CTNNA2: variants seen among roughly 807,000 people sequenced by gnomAD.
The protein encoded by CTNNA2 is catenin alpha-2.
In CTNNA2, 42 loss-of-function variants were observed where a neutral mutation model predicts 101.0. The ratio of observed to expected loss-of-function variants is 0.42; its 90% CI spans 0.32 to 0.54. CTNNA2 has a LOEUF of 0.54. Ranked by LOEUF, CTNNA2 falls within the 20% of genes least tolerant of loss-of-function variation. CTNNA2 has a pLI of 0.14. For synonymous variants in CTNNA2, 450 were observed against 456.4 expected, an observed-to-expected ratio of 0.99 and a Z score of 0.18; for missense variants, 871 against 1,223.1, an observed-to-expected ratio of 0.71 and a Z score of 4.29.
At chr2:80,107,366 G>C (rs1317305534) in intron 7 of CTNNA2, among the ~76,000 whole-genome samples, 1 of 151,862 alleles carries the variant, frequency 6.6e-6, no homozygotes, top group African/African-American at 2.4e-5. Context: ...ATTTCAGGGG[G>C]ATGGTTGGCC....
At chr2:79,683,014 A>G (rs1683690214) in intron 2 of CTNNA2, among the ~76,000 whole-genome samples, 1 of 152,388 alleles carries the variant, frequency 6.6e-6, no homozygotes, top group Admixed American at 6.5e-5. Flanking sequence ...AAGTCTATAC[A>G]TGCAGGTTGG....
intron 11 of CTNNA2, 88 bp downstream of exon 11, chr2:80,546,151 G>C: frequency 6.7e-7 from 1 of 1,499,048 alleles, no homozygotes; most frequent in Non-Finnish European, 9.0e-7. Context: ...TCATGGATCT[G>C]TGTTTCAGGC....
intron 1 of CTNNA2, among the ~76,000 whole-genome samples, chr2:79,601,475 CAT>C (rs1418344503): frequency 6.6e-6 from 1 of 152,150 alleles, no homozygotes; most frequent in Non-Finnish European, 1.5e-5. Context: ...GGAGTGAGGT[CAT>C]GTGTGGGCTT....
chr2:79,413,323 CT>C (rs1678438808), intron 4 of CTNNA2, among the ~76,000 whole-genome samples: 1 of 151,926 alleles, frequency 6.6e-6, no homozygotes, highest in African/African-American at 2.4e-5. Flanking sequence ...CTTTTTGTGC[CT>C]GTCTTATTTA....
In CTNNA2 at chr2:79,343,299, A is replaced by C. The variant is rs572538815; in HGVS notation, c.-318+30503A>C. On this transcript the variant is annotated intron_variant, in intron 3 of 21. Transcript: ENST00000466387. ...AATTATTAGAAACAAATGTTTAAAA[A>C]AAATAGGATATTTATCCCACAAATA... Among the ~76,000 whole-genome samples, 267 of 152,324 alleles carry C rather than the reference A, an allele frequency of 1.8e-3. 3 individuals are homozygous for C. The highest frequency in any genetic ancestry group is 5.3e-3 in the African/African-American group (219 of 41,570).
At position 79,359,121 on chromosome 2, in the gene CTNNA2, G is replaced by T. The variant is rs141553936; in HGVS notation, c.-317-14710G>T. ...AGTACAACATAAAAAGATGGGACAT[G>T]AAACAGACAACTTTTGATACAGAGG... On this transcript the variant is annotated intron_variant, in intron 3 of 21. Transcript: ENST00000466387. 6.0e-4 allele frequency among the ~76,000 whole-genome samples: 92 copies of T among 152,242 alleles called. No individual in the cohort carries two copies. In the Middle Eastern group the frequency reaches 0.01, roughly 17 times the overall value.
intron 3 of CTNNA2, among the ~76,000 whole-genome samples, chr2:79,333,557 A>G (rs1676925423): frequency 6.6e-6 from 1 of 152,200 alleles, no homozygotes; most frequent in Non-Finnish European, 1.5e-5. Flanking sequence ...AAAGCTGTGT[A>G]TCCAGCCAAC....
chr2:79,330,147 G>A (rs1478713025), intron 3 of CTNNA2, among the ~76,000 whole-genome samples: 1 of 152,150 alleles, frequency 6.6e-6, no homozygotes, highest in Non-Finnish European at 1.5e-5. Context: ...GCTGAGAGGA[G>A]ATCAGTCCTA....
intron 2 of CTNNA2, among the ~76,000 whole-genome samples, chr2:79,739,555 T>G (rs1213389084): frequency 6.6e-6 from 1 of 152,214 alleles, no homozygotes; most frequent in African/African-American, 2.4e-5. Flanking sequence ...GATATTTGCC[T>G]TTTTTAAAAT....
chr2:79,670,887 C>G (rs1682792078), intron 2 of CTNNA2, among the ~76,000 whole-genome samples: 1 of 152,116 alleles, frequency 6.6e-6, no homozygotes. Flanking sequence ...GTTCATGTTT[C>G]CTTTTCTTCA....
At chr2:80,595,421 G>A (rs1696869495) in intron 15 of CTNNA2, among the ~76,000 whole-genome samples, 1 of 152,110 alleles carries the variant, frequency 6.6e-6, no homozygotes, top group Non-Finnish European at 1.5e-5. Flanking sequence ...TGTTAACAGA[G>A]ATAATTTTGC....
chr2:79,713,049 G>A (rs1159848557), intron 2 of CTNNA2, among the ~76,000 whole-genome samples: 1 of 152,006 alleles, frequency 6.6e-6, no homozygotes, highest in Non-Finnish European at 1.5e-5. Context: ...ATCCAACCTG[G>A]GCTTTCTTTA....
chr2:80,175,767 G>A (rs1470364168), intron 7 of CTNNA2, among the ~76,000 whole-genome samples: 1 of 152,234 alleles, frequency 6.6e-6, no homozygotes, highest in East Asian at 1.9e-4. Flanking sequence ...AAGTAGGGAA[G>A]CCAACAGTTC....
chr2:79,729,626 G>A (rs768492661), intron 2 of CTNNA2, among the ~76,000 whole-genome samples: 1 of 151,944 alleles, frequency 6.6e-6, no homozygotes, highest in Non-Finnish European at 1.5e-5. Flanking sequence ...TCCAAATAAA[G>A]GTTCACAAGA....
At chr2:79,331,590 G>A (rs1024353257) in intron 3 of CTNNA2, among the ~76,000 whole-genome samples, 1 of 152,090 alleles carries the variant, frequency 6.6e-6, no homozygotes, top group Non-Finnish European at 1.5e-5. Flanking sequence ...TCCTCACAGT[G>A]GGTCTCCACT....
At chr2:79,802,601 G>C (rs567324416) in intron 3 of CTNNA2, among the ~76,000 whole-genome samples, 112 of 152,290 alleles carry the variant, frequency 7.4e-4, no homozygotes, top group Non-Finnish European at 1.4e-3. Context: ...TAAAGAAAAT[G>C]GTAATGAAGT....
intron 7 of CTNNA2, among the ~76,000 whole-genome samples, chr2:80,264,292 T>G (rs950313584): frequency 2.0e-5 from 3 of 152,126 alleles, no homozygotes; most frequent in Non-Finnish European, 2.9e-5. Context: ...CAAAATGATT[T>G]ACAAATAGTA....
intron 3 of CTNNA2, among the ~76,000 whole-genome samples, chr2:79,789,532 G>A (rs1675111410): frequency 6.6e-6 from 1 of 152,114 alleles, no homozygotes; most frequent in Admixed American, 6.5e-5. Context: ...AGTTTTTATT[G>A]CAGAGGGAAA....
chr2:80,140,028 G>C lies in CTNNA2; in HGVS notation c.1056+230231G>C, dbSNP rs116133636. 6.9e-3 allele frequency among the ~76,000 whole-genome samples: 1,054 copies of C among 152,236 alleles called. 12 individuals are homozygous for C. The highest frequency in any genetic ancestry group is 0.021 in the African/African-American group (874 of 41,540). The stretch of plus-strand genomic sequence containing the variant: ...ACTTCAGAGTACAGTGTGAGAACTA[G>C]AATCTTTACATTTAAGACATATTTC... On this transcript the variant is annotated intron_variant, in intron 7 of 18. Coordinates refer to ENST00000402739, the MANE Select transcript of CTNNA2 (RefSeq NM_001282597.3).
Sources: gnomAD v4.1 joint callset for allele counts (sites outside exome capture counted in the v4.1 genomes callset) on GRCh38, gnomAD v4.1.1 for gene constraint, MANE v1.5 for transcripts, NCBI Gene and HGNC (gene_info 2026-07-23, HGNC 2026-07-21) for gene names.